The following SLC1A6 variants were observed in gnomAD, a reference collection of about 807,000 sequenced individuals.
The protein encoded by SLC1A6 is excitatory amino acid transporter 4.
Under a neutral mutation model 42.1 loss-of-function variants are expected in SLC1A6, and 15 were observed. The ratio of observed to expected loss-of-function variants is 0.36; its 90% CI spans 0.24 to 0.55. The LOEUF (loss-of-function observed/expected upper bound fraction) is 0.55, where lower values mean the gene tolerates loss of function less well. Ranked by LOEUF, SLC1A6 falls within the 20% of genes least tolerant of loss-of-function variation. SLC1A6 has a pLI of 0.88. For missense variants in SLC1A6, 542 were observed against 772.5 expected (o/e 0.70, Z 3.54); for synonymous variants, 317 against 319.7 (o/e 0.99, Z 0.09).
chr19:14,995,847 GGTAGA>G (rs1206425110), intron 1 of SLC1A6, among the ~76,000 whole-genome samples: 303 of 152,170 alleles, frequency 2.0e-3, no homozygotes, highest in African/African-American at 7.2e-3. Flanking sequence ...GAAGAGAGAT[GGTAGA>G]TCACTGGTAG....
At chr19:14,954,976 T>G (rs1162313147) in intron 7 of SLC1A6, among the ~76,000 whole-genome samples, 1 of 152,202 alleles carries the variant, frequency 6.6e-6, no homozygotes, top group Admixed American at 6.5e-5. Flanking sequence ...TGCACCAGCA[T>G]TGACCTCAGC....
chr19:14,970,152 T>C (rs2045621000), intron 3 of SLC1A6, among the ~76,000 whole-genome samples: 1 of 152,176 alleles, frequency 6.6e-6, no homozygotes, highest in South Asian at 2.1e-4. Context: ...CACAGCTCGC[T>C]GCAGCCTCCT....
chr19:14,984,869 C>A (rs1214897871), intron 1 of SLC1A6, among the ~76,000 whole-genome samples: 1 of 151,024 alleles, frequency 6.6e-6, no homozygotes, highest in African/African-American at 2.5e-5. Context: ...ATAATTTTCA[C>A]TCAAAAGTGC....
upstream of SLC1A6, among the ~76,000 whole-genome samples, chr19:14,983,464 T>C (rs2045777636): frequency 6.6e-6 from 1 of 151,814 alleles, no homozygotes; most frequent in African/African-American, 2.4e-5. Context: ...GACAGGAGGA[T>C]TACTTGAGCC....
intron 8 of SLC1A6, 28 bp from the exon 9 acceptor site, chr19:14,953,090 C>A: frequency 6.3e-7 from 1 of 1,580,016 alleles, no homozygotes; most frequent in South Asian, 1.1e-5. Flanking sequence ...ACATGGGGAG[C>A]AGATGGAGGG....
chr19:14,972,646 A>G, intron 2 of SLC1A6, 60 bp downstream of exon 2: 1 of 1,446,078 alleles, frequency 6.9e-7, no homozygotes, highest in Non-Finnish European at 9.7e-7. Context: ...AGAGGCCAGG[A>G]ATTTCCCTGA....
intron 6 of SLC1A6, among the ~76,000 whole-genome samples, chr19:14,960,930 C>CT (rs58843508): frequency 0.81 from 112,341 of 138,478 alleles, 46,643 homozygotes; most frequent in South Asian, 0.95. Flanking sequence ...TGGTCTCTCC[C>CT]TTTTTTTTTT....
Position 15,008,822 on chromosome 19 carries a change from T to TA in SLC1A6, c.6+1662dup, listed in dbSNP as rs536333495. 5.4e-3 allele frequency among the ~76,000 whole-genome samples: 759 copies of TA among 141,670 alleles called. 4 individuals are homozygous for TA. The highest frequency in any genetic ancestry group is 8.0e-3 in the Non-Finnish European group (531 of 66,450). 92.9% of individuals were successfully genotyped at this position (141,670 alleles called of 152,430 possible). A position where few individuals can be genotyped will look rare whatever the true frequency, so the allele number is the denominator to read the frequency against. ...AACATGGCAAAAACCCCACCTCCAC[T>TA]AAAAAAACAAAAATAATTCGCGTTT... On this transcript the variant is annotated intron_variant, in intron 1 of 8. Coordinates refer to the SLC1A6 transcript ENST00000430939.
Position 14,971,718 on chromosome 19 carries a change from C to G in SLC1A6, c.343+19G>C, listed in dbSNP as rs772118056. On this transcript the variant is annotated intron_variant, in intron 3 of 9. Coordinates refer to ENST00000594383, the MANE Select transcript of SLC1A6 (RefSeq NM_005071.3). ...TCTAGACGGGTCTTGGAGGCCAACA[C>G]TGGCCTGGGCTCTCTCACCTGTGAC... 2.5e-6 allele frequency: 4 copies of G among 1,613,024 alleles called. No individual in the cohort carries two copies. The highest frequency in any genetic ancestry group is 3.4e-6 in the Non-Finnish European group (4 of 1,179,562).
chr19:14,987,820 C>A (rs1347338117), intron 1 of SLC1A6, among the ~76,000 whole-genome samples: 1 of 152,154 alleles, frequency 6.6e-6, no homozygotes, highest in African/African-American at 2.4e-5. Flanking sequence ...GGAGCCTAGT[C>A]CAGCAGAGCC....
At chr19:15,004,008 T>C (rs1427947584) in intron 1 of SLC1A6, among the ~76,000 whole-genome samples, 1 of 151,832 alleles carries the variant, frequency 6.6e-6, no homozygotes, top group Non-Finnish European at 1.5e-5. Flanking sequence ...TACAAAAAAT[T>C]AGCTGGGCGT....
chr19:14,957,090 C>T (rs1366563194), intron 6 of SLC1A6, among the ~76,000 whole-genome samples: 2 of 152,206 alleles, frequency 1.3e-5, no homozygotes, highest in Non-Finnish European at 2.9e-5. Flanking sequence ...CTCTGGCCTT[C>T]TAAGCTTCCC....
Position 14,956,692 on chromosome 19 carries a change from A to T in SLC1A6, c.953T>A (p.Ile318Asn). The T allele has an allele frequency of 6.2e-7, 1 of 1,612,546 alleles. No individual in the cohort carries two copies. The highest frequency in any genetic ancestry group is 8.5e-7 in the Non-Finnish European group (1 of 1,179,116). ...GIIIWYAPVG[I>N]LFLIAGKILE... ...AATCTTCCCAGCAATCAGGAACAGG[A>T]TGCCCACAGGTGCATACCTGTGTGA... Residue 318 changes from isoleucine to asparagine, a missense_variant, in exon 7 of 10, where the codon ATC becomes AAC. Ile to Asn is a moderately radical substitution (Grantham distance 149). Coordinates refer to ENST00000594383, the MANE Select transcript of SLC1A6 (RefSeq NM_005071.3).
At chr19:15,002,242 ACCACATCCAG>A (rs761327212) in intron 1 of SLC1A6, among the ~76,000 whole-genome samples, 81 of 152,074 alleles carry the variant, frequency 5.3e-4, no homozygotes, top group Non-Finnish European at 7.1e-4. Flanking sequence ...GATATGCACC[ACCACATCCAG>A]CTGTTTTTTG....
intron 1 of SLC1A6, among the ~76,000 whole-genome samples, chr19:15,001,386 A>G (rs1308591377): frequency 6.6e-6 from 1 of 152,246 alleles, no homozygotes; most frequent in Non-Finnish European, 1.5e-5. Flanking sequence ...AAAGCAAGAA[A>G]GGGAGAAAGC....
At chr19:14,957,520 C>T (rs766804462) in intron 6 of SLC1A6, among the ~76,000 whole-genome samples, 10 of 152,302 alleles carry the variant, frequency 6.6e-5, no homozygotes, top group East Asian at 3.9e-4. Context: ...AGCAAGAAGA[C>T]GCCTTCCATG....
At chr19:15,003,727 A>C (rs74415489) in intron 1 of SLC1A6, among the ~76,000 whole-genome samples, 1,913 of 152,066 alleles carry the variant, frequency 0.013, 44 homozygotes, top group African/African-American at 0.043. Flanking sequence ...CTCCTTCTTC[A>C]TCCATTCTGC....
At chr19:14,969,538 T>C (rs1316994849) in intron 3 of SLC1A6, among the ~76,000 whole-genome samples, 1 of 152,220 alleles carries the variant, frequency 6.6e-6, no homozygotes, top group Non-Finnish European at 1.5e-5. Context: ...CCAGCCTTCT[T>C]TTGAAACCCA....
intron 7 of SLC1A6, among the ~76,000 whole-genome samples, chr19:14,956,088 G>A (rs2045460202): frequency 6.6e-6 from 1 of 152,076 alleles, no homozygotes; most frequent in African/African-American, 2.4e-5. Context: ...AGGAGGAAGA[G>A]GATGAAGGGG....
Sources: allele counts gnomAD v4.1 joint callset (sites outside exome capture counted in the v4.1 genomes callset), GRCh38; gene constraint gnomAD v4.1.1; transcripts MANE v1.5; gene names NCBI Gene and HGNC (gene_info 2026-07-23, HGNC 2026-07-21).